The following DTNA variants were observed in gnomAD, a reference collection of about 807,000 sequenced individuals.
DTNA encodes dystrobrevin alpha.
Under a neutral mutation model 100.7 loss-of-function variants are expected in DTNA, and 43 were observed. The ratio of observed to expected loss-of-function variants is 0.43; its 90% confidence interval spans 0.33 to 0.55. DTNA has a LOEUF of 0.55. Ranked by LOEUF, DTNA falls within the 20% of genes least tolerant of loss-of-function variation. The pLI is 0.04. For missense variants in DTNA, 798 were observed against 953.9 expected (o/e 0.84, Z 2.15); for synonymous variants, 349 against 347.9 (o/e 1.00, Z -0.04).
Position 34,890,678 on chromosome 18 carries a change from C to G in DTNA, c.*2944C>G. ...AGGAAACAGTTGTGGTTGGTCAGGA[C>G]GGAAGTTGGGGTAAGTTTGGTTGGT... On this transcript the variant is annotated 3_prime_UTR_variant, in exon 23 of 23. Transcript: ENST00000444659. The G allele has an allele frequency of 1.5e-6, 1 of 671,668 alleles. No homozygotes were observed. Among genetic ancestry groups the G allele is most frequent in the South Asian group, 2.3e-5 (1 of 42,872 alleles). 41.6% of individuals were successfully genotyped at this position (671,668 alleles called of 1,614,324 possible). A position where few individuals can be genotyped will look rare whatever the true frequency, so the allele number is the denominator to read the frequency against.
At chr18:34,622,958 A>G (rs959651662) in intron 1 of DTNA, among the ~76,000 whole-genome samples, 36 of 152,290 alleles carry the variant, frequency 2.4e-4, no homozygotes, top group African/African-American at 8.7e-4. Context: ...GTTTACATCC[A>G]TATCTTTATA....
intron 1 of DTNA, among the ~76,000 whole-genome samples, chr18:34,630,523 C>T (rs2148091329): frequency 6.6e-6 from 1 of 152,162 alleles, no homozygotes; most frequent in African/African-American, 2.4e-5. Flanking sequence ...AAAGGGGAGA[C>T]TAGTAGCAAA....
chr18:34,566,677 G>A (rs1256051424), intron 1 of DTNA, among the ~76,000 whole-genome samples: 1 of 152,048 alleles, frequency 6.6e-6, no homozygotes, highest in Non-Finnish European at 1.5e-5. Flanking sequence ...ATTCACAGTG[G>A]GAGAATCCAG....
intron 1 of DTNA, among the ~76,000 whole-genome samples, chr18:34,612,332 T>A (rs902925793): frequency 6.6e-6 from 1 of 152,180 alleles, no homozygotes; most frequent in Non-Finnish European, 1.5e-5. Context: ...AACTCACTGC[T>A]ACTGACTTGT....
chr18:34,615,424 A>C (rs1334772942), intron 1 of DTNA, among the ~76,000 whole-genome samples: 1 of 152,166 alleles, frequency 6.6e-6, no homozygotes, highest in Non-Finnish European at 1.5e-5. Context: ...TAAAATTGCC[A>C]TAGCCACCCT....
intron 1 of DTNA, among the ~76,000 whole-genome samples, chr18:34,739,667 T>C (rs1288740830): frequency 6.6e-6 from 1 of 152,188 alleles, no homozygotes; most frequent in East Asian, 1.9e-4. Context: ...AGGAACTGGC[T>C]CAAAGAAATA....
intron 1 of DTNA, among the ~76,000 whole-genome samples, chr18:34,652,807 T>C (rs1322115041): frequency 6.6e-6 from 1 of 152,180 alleles, no homozygotes; most frequent in East Asian, 1.9e-4. Context: ...GAAATCTCCA[T>C]GAGACTTCTG....
At chr18:34,765,305 G>C (rs7227294) in intron 2 of DTNA, among the ~76,000 whole-genome samples, 142,535 of 152,238 alleles carry the variant, frequency 0.94, 67,467 homozygotes, top group East Asian at 1. Context: ...AGAAAGGCAT[G>C]TCTTCCTCTG....
rs1187394645 is a variant in DTNA, at chr18:34,878,836, A to G, written c.1994-715A>G. On this transcript the variant is annotated intron_variant, in intron 19 of 22. Coordinates refer to ENST00000444659, the MANE Select transcript of DTNA (RefSeq NM_001386795.1). ...TATTCCTTAAGGCCGACCTACCAAG[A>G]GATTTGTCTGGCAAGACTATGGTCT... Among the ~76,000 whole-genome samples the G allele has an allele frequency of 3.9e-5, 6 of 152,202 alleles. No individual in the cohort carries two copies. The East Asian group carries it at 9.6e-4, about 24-fold the overall frequency.
At chr18:34,650,749 T>C (rs1435242880) in intron 1 of DTNA, among the ~76,000 whole-genome samples, 1 of 152,180 alleles carries the variant, frequency 6.6e-6, no homozygotes. Context: ...ATCAGACCCT[T>C]TGTCCTGCTA....
chr18:34,574,005 A>C (rs1195941916), intron 1 of DTNA: 1 of 156,300 alleles, frequency 6.4e-6, no homozygotes, highest in African/African-American at 2.4e-5. Context: ...GGGCTTGCCC[A>C]TGGTGCTCTT....
Position 34,867,572 on chromosome 18 carries a change from A to G in DTNA, c.1743+3510A>G, listed in dbSNP as rs976592643. On this transcript the variant is annotated intron_variant, in intron 17 of 22. Transcript: ENST00000444659. The stretch of plus-strand genomic sequence containing the variant: ...TTTCCTCTCCTGTCTCTTATTTAGC[A>G]TGTGCATAGAAAAAGGAAATAAGGT... The G allele has an allele frequency of 1.8e-5, 20 of 1,081,116 alleles. No homozygotes were observed. In the African/African-American group the frequency reaches 2.8e-4, roughly 15 times the overall value. The allele number at this position is 1,081,116 out of a possible 1,614,324, so 67.0% of individuals were successfully genotyped here.
intron 1 of DTNA, among the ~76,000 whole-genome samples, chr18:34,674,485 T>G (rs1477347224): frequency 6.6e-6 from 1 of 152,202 alleles, no homozygotes; most frequent in Admixed American, 6.5e-5. Flanking sequence ...AGCCATCCTC[T>G]CCCTGACTCT....
intron 14 of DTNA, 143 bp downstream of exon 14, chr18:34,848,526 T>G: frequency 2.1e-6 from 2 of 956,308 alleles, no homozygotes. Context: ...TTGCTAAGTT[T>G]GTGGTGTCTT....
At chr18:34,776,566 C>T (rs1786765881) in intron 3 of DTNA, among the ~76,000 whole-genome samples, 1 of 152,190 alleles carries the variant, frequency 6.6e-6, no homozygotes, top group South Asian at 2.1e-4. Flanking sequence ...TGGTCTTGAT[C>T]TCCTGACCTC....
At chr18:34,707,096 G>A (rs909801323), upstream of DTNA, among the ~76,000 whole-genome samples, 2 of 152,038 alleles carry the variant, frequency 1.3e-5, no homozygotes, top group Non-Finnish European at 2.9e-5. Context: ...GGCCATCAAC[G>A]TTTTTTGCAG....
At chr18:34,835,119 T>C (rs1462051405) in intron 11 of DTNA, among the ~76,000 whole-genome samples, 5 of 152,214 alleles carry the variant, frequency 3.3e-5, no homozygotes, top group African/African-American at 4.8e-5. Flanking sequence ...TACATAGTCA[T>C]ATTTTTGGCT....
In DTNA at chr18:34,711,466, A is replaced by T. The variant is rs537760771; in HGVS notation, c.-2+1021A>T. On this transcript the variant is annotated intron_variant, in intron 1 of 22. Transcript: ENST00000444659. ...CAAAGCTGTCTTAGCAGCTTTTAGA[A>T]ATAAAACCTAATTAAATAGTAGCAA... 1.1e-3 allele frequency among the ~76,000 whole-genome samples: 161 copies of T among 152,308 alleles called. 1 individual carries two copies. The highest frequency in any genetic ancestry group is 1.1e-3 in the Non-Finnish European group (75 of 68,016).
At chr18:34,788,863 T>C (rs912172709) in intron 3 of DTNA, among the ~76,000 whole-genome samples, 1 of 152,308 alleles carries the variant, frequency 6.6e-6, no homozygotes, top group East Asian at 1.9e-4. Context: ...ACAGATCTTA[T>C]AAATTAGTAG....
Sources: allele counts gnomAD v4.1 joint callset (sites outside exome capture counted in the v4.1 genomes callset), GRCh38; gene constraint gnomAD v4.1.1; transcripts MANE v1.5; gene names NCBI Gene and HGNC (gene_info 2026-07-23, HGNC 2026-07-21).